Variants in PPP1R13L observed in about 807,000 individuals in gnomAD.
The protein encoded by PPP1R13L is protein phosphatase 1 regulatory subunit 13 like.
In PPP1R13L, 50 loss-of-function variants were observed where a neutral mutation model predicts 80.9. The observed-to-expected ratio is 0.62, with a 90% CI of 0.49 to 0.78. The LOEUF is 0.78. PPP1R13L is among the 30% of genes least tolerant of loss of function. PPP1R13L has a pLI of 0.00. For missense variants in PPP1R13L, 1,200 were observed against 1,205.9 expected (o/e 1.00, Z 0.07); for synonymous variants, 602 against 534.3 (o/e 1.13, Z -1.75).
At position 45,396,049 on chromosome 19, in the gene PPP1R13L, T is replaced by C; in HGVS notation, c.903+119A>G. Reference sequence around the variant, plus strand: ...AACCCAGCACAGTGAAGGGAGAGCGTGGGAACGGGCGCCGAGACCCAGATC... The same window carrying C: ...AACCCAGCACAGTGAAGGGAGAGCGCGGGAACGGGCGCCGAGACCCAGATC... On this transcript the variant is annotated intron_variant, in intron 6 of 12. Coordinates refer to ENST00000360957, the MANE Select transcript of PPP1R13L (RefSeq NM_006663.4). This position sits in a 1 kb window ranked among gnomAD's most constrained non-coding sequence, Gnocchi z 5.3. The C allele has an allele frequency of 7.6e-7, 1 of 1,320,268 alleles. No individual in the cohort carries two copies. Among genetic ancestry groups the C allele is most frequent in the Non-Finnish European group, 1.0e-6 (1 of 966,034 alleles). The allele number at this position is 1,320,268 out of a possible 1,614,324, so 81.8% of individuals were successfully genotyped here. A position where few individuals can be genotyped will look rare whatever the true frequency, so the allele number is the denominator to read the frequency against.
chr19:45,381,591 T>A (rs1452206391), intron 12 of PPP1R13L, among the ~76,000 whole-genome samples: 1 of 152,014 alleles, frequency 6.6e-6, no homozygotes, highest in Non-Finnish European at 1.5e-5. Context: ...ATCAAATAAC[T>A]AGTAAGGCAG....
intron 2 of PPP1R13L, 46 bp from the exon 3 acceptor site, chr19:45,398,193 G>A (rs764831659): frequency 6.2e-7 from 1 of 1,612,270 alleles, no homozygotes; most frequent in Admixed American, 1.7e-5. Flanking sequence ...CCTGGCAGGG[G>A]CCGGCCTCAG....
intron 8 of PPP1R13L, among the ~76,000 whole-genome samples, chr19:45,389,935 A>T (rs1037419319): frequency 6.7e-6 from 1 of 150,158 alleles, no homozygotes; most frequent in Non-Finnish European, 1.5e-5. Context: ...CTGGGACTAC[A>T]GGCGCCCGCC....
At position 45,392,325 on chromosome 19, in the gene PPP1R13L, G is replaced by T. The variant is rs1221049472; in HGVS notation, c.1370C>A (p.Pro457His). 1.9e-6 allele frequency: 3 copies of T among 1,613,198 alleles called. No individual in the cohort carries two copies. In the African/African-American group the frequency reaches 4.0e-5, roughly 22 times the overall value. The change falls in exon 8 of 13, where the codon CCC (proline) becomes CAC (histidine). Residue 457 changes from proline (P) to histidine (H), a missense_variant. Coordinates refer to ENST00000360957, the MANE Select transcript of PPP1R13L (RefSeq NM_006663.4). ...PPVNEGPPKP[P>H]TELEPEPEIE... ...CTCCGGCTCAGGCTCCAGCTCGGTGGGGGGTTTGGGGGGTCCTAGCCGGAA... is the reference window on the plus strand; with the variant it reads ...CTCCGGCTCAGGCTCCAGCTCGGTGTGGGGTTTGGGGGGTCCTAGCCGGAA...
At chr19:45,401,867 AGGGGGGAGGATCACTT>A (rs1166489190) in intron 1 of PPP1R13L, 1 of 152,104 alleles carries the variant, frequency 6.6e-6, no homozygotes, top group African/African-American at 2.4e-5. Flanking sequence ...TGGGAGGCCG[AGGGGGGAGGATCACTT>A]GAGGCCAGGA....
At chr19:45,387,276 A>G (rs1312072541) in intron 8 of PPP1R13L, among the ~76,000 whole-genome samples, 1 of 152,000 alleles carries the variant, frequency 6.6e-6, no homozygotes, top group Non-Finnish European at 1.5e-5. Context: ...TCAAAAGAAA[A>G]AAAAATGCAT....
chr19:45,397,001 G>T lies in PPP1R13L; in HGVS notation c.256C>A (p.Arg86=). 1 of 1,374,938 alleles carries T rather than the reference G, an allele frequency of 7.3e-7. No individual in the cohort carries two copies. Among genetic ancestry groups the T allele is most frequent in the East Asian group, 2.8e-5 (1 of 35,616 alleles). 85.2% of individuals were successfully genotyped at this position (1,374,938 alleles called of 1,614,324 possible). A position where few individuals can be genotyped will look rare whatever the true frequency, so the allele number is the denominator to read the frequency against. Residue 86 remains arginine, a synonymous_variant, in exon 4 of 13, where the codon CGG becomes AGG. Coordinates refer to ENST00000360957, the MANE Select transcript of PPP1R13L (RefSeq NM_006663.4). ...PEPFGSRGSP[R]KAATDGADTP... is the part of the protein sequence containing the mutation. The stretch of plus-strand genomic sequence containing the variant: ...TCTGCGCCGTCGGTGGCCGCCTTCC[G>T]GGGGGACCCTCGGCTGCCGAAGGGC...
chr19:45,392,450 A>G (rs1479213720), intron 7 of PPP1R13L, 110 bp from the exon 8 acceptor site: 2 of 1,169,094 alleles, frequency 1.7e-6, no homozygotes, highest in Admixed American at 1.9e-5. Context: ...GTGTGACCTC[A>G]GGGAAGTTCC....
rs138814970 is a variant in PPP1R13L, at chr19:45,399,667, T to C, written c.-21-1328A>G. On this transcript the variant is annotated intron_variant, in intron 1 of 12. Transcript: ENST00000360957. ...AATATGTTTAAAACAACAACAACAA[T>C]AACCAGCCAGGCGCGGTGGTTCACT... is the stretch of plus-strand genomic sequence containing the variant. Among the ~76,000 whole-genome samples, 459 of 144,398 alleles carry C rather than the reference T, an allele frequency of 3.2e-3. 3 individuals are homozygous for C. The highest frequency in any genetic ancestry group is 0.011 in the African/African-American group (446 of 38,860). 94.7% of individuals were successfully genotyped at this position (144,398 alleles called of 152,430 possible).
At chr19:45,402,807 T>TCTCCTTCCCTGGC (rs1273742009) in intron 1 of PPP1R13L, among the ~76,000 whole-genome samples, 1 of 152,172 alleles carries the variant, frequency 6.6e-6, no homozygotes, top group Non-Finnish European at 1.5e-5. Context: ...CACCCCTGGC[T>TCTCCTTCCCTGGC]CTCCTTCCCT....
chr19:45,385,620 G>A lies in PPP1R13L; in HGVS notation c.2190C>T (p.Ala730=), dbSNP rs772787254. 1.9e-6 allele frequency: 3 copies of A among 1,613,120 alleles called. No individual in the cohort carries two copies. The South Asian group carries it at 3.3e-5, about 18-fold the overall frequency. The change falls in exon 11 of 13, where the codon GCC becomes GCT. Residue 730 remains alanine (A), a synonymous_variant. Transcript: ENST00000360957. Reference sequence around the variant, plus strand: ...CGCGGTAAGGGTCGCACTTCTCGAAGGCGGTGGCGCCGTCGCTGAGCGTGG... The same window carrying A: ...CGCGGTAAGGGTCGCACTTCTCGAAAGCGGTGGCGCCGTCGCTGAGCGTGG... ...FATTLSDGAT[A]FEKCDPYREG...
intron 7 of PPP1R13L, among the ~76,000 whole-genome samples, chr19:45,393,345 C>A (rs993363184): frequency 6.6e-6 from 1 of 152,072 alleles, no homozygotes; most frequent in African/African-American, 2.4e-5. Flanking sequence ...AATCCCAGCA[C>A]TTTGGGAGGC....
At chr19:45,388,156 A>G (rs1369593602) in intron 8 of PPP1R13L, among the ~76,000 whole-genome samples, 1 of 151,754 alleles carries the variant, frequency 6.6e-6, no homozygotes, top group African/African-American at 2.4e-5. Flanking sequence ...TGACAGAGTG[A>G]GACTCCATCT....
At chr19:45,391,732 T>A in intron 8 of PPP1R13L, 148 bp downstream of exon 8, 8 of 531,658 alleles carry the variant, frequency 1.5e-5, no homozygotes, top group Non-Finnish European at 2.4e-5. Context: ...GTGAGGTGCC[T>A]ACAGTCCTGG....
rs112261954 is a variant in PPP1R13L at position 45,384,783 on chromosome 19, G to A, written c.2248+779C>T. On this transcript the variant is annotated intron_variant, in intron 11 of 12. Transcript: ENST00000360957. ...GCAGAGAATTGCTTGAATCCAGGAGGTGGAGGTTGCAGTGAGCCGAGATTG... is the reference window on the plus strand; with the variant it reads ...GCAGAGAATTGCTTGAATCCAGGAGATGGAGGTTGCAGTGAGCCGAGATTG... Among the ~76,000 whole-genome samples, 465 of 151,950 alleles carry A rather than the reference G, an allele frequency of 3.1e-3. 1 individual carries two copies. The highest frequency in any genetic ancestry group is 0.011 in the African/African-American group (453 of 41,404).
At chr19:45,398,475 T>G in intron 1 of PPP1R13L, 136 bp from the exon 2 acceptor site, 2 of 830,212 alleles carry the variant, frequency 2.4e-6, no homozygotes, top group Non-Finnish European at 3.6e-6. Flanking sequence ...CCCTTTCACC[T>G]CCCCAGCTGG....
chr19:45,396,075 G>A lies in PPP1R13L; in HGVS notation c.903+93C>T. ...GGGAACGGGCGCCGAGACCCAGATC[G>A]CAGCCCCGAGGGGGAGACTGGCCTT... On this transcript the variant is annotated intron_variant, in intron 6 of 12. Transcript: ENST00000360957. This position sits in a 1 kb window ranked among gnomAD's most constrained non-coding sequence, Gnocchi z 5.3. 1 of 1,425,796 alleles carries A rather than the reference G, an allele frequency of 7.0e-7. No individual in the cohort carries two copies. The highest frequency in any genetic ancestry group is 9.5e-7 in the Non-Finnish European group (1 of 1,053,908). The allele number at this position is 1,425,796 out of a possible 1,614,324, so 88.3% of individuals were successfully genotyped here.
At chr19:45,398,416 A>T in intron 1 of PPP1R13L, 77 bp from the exon 2 acceptor site, 4 of 1,424,590 alleles carry the variant, frequency 2.8e-6, no homozygotes, top group Non-Finnish European at 9.6e-7. Context: ...AGACGCCGTC[A>T]GGAGCGGGAC....
chr19:45,393,545 C>G (rs1188975886), intron 7 of PPP1R13L, among the ~76,000 whole-genome samples: 1 of 151,324 alleles, frequency 6.6e-6, no homozygotes, highest in African/African-American at 2.4e-5. Flanking sequence ...TGAGCTGAAA[C>G]CTCACCACTG....
Sources: gnomAD v4.1 joint callset for allele counts (sites outside exome capture counted in the v4.1 genomes callset) on GRCh38, gnomAD v4.1.1 for gene constraint, Gnocchi (gnomAD v3.1) non-coding constraint, MANE v1.5 for transcripts, NCBI Gene and HGNC (gene_info 2026-07-23, HGNC 2026-07-21) for gene names.